Variants in LRMDA observed in about 807,000 individuals in gnomAD.
LRMDA encodes leucine rich melanocyte differentiation associated, also known as leucine-rich melanocyte differentiation-associated protein.
LRMDA carries 18 observed loss-of-function variants against 29.8 expected under a neutral mutation model. The observed-to-expected ratio is 0.60, with a 90% confidence interval of 0.42 to 0.90. LRMDA has a LOEUF of 0.90. Ranked by LOEUF, LRMDA falls within the 40% of genes least tolerant of loss-of-function variation. The probability of loss-of-function intolerance (pLI) is 0.00; values close to 1 mark genes in which losing one functional copy is unlikely to be tolerated. For missense variants in LRMDA, 273 were observed against 273.9 expected (o/e 1.00, Z 0.02); for synonymous variants, 125 against 109.4 (o/e 1.14, Z -0.89).
chr10:75,489,706 A>G (rs990092502), intron 2 of LRMDA, among the ~76,000 whole-genome samples: 10 of 152,112 alleles, frequency 6.6e-5, no homozygotes, highest in African/African-American at 2.4e-4. Context: ...GAAGTGTTAG[A>G]TTGTTTGGGG....
chr10:76,072,411 T>C (rs908449809), intron 5 of LRMDA, among the ~76,000 whole-genome samples: 1 of 152,204 alleles, frequency 6.6e-6, no homozygotes, highest in African/African-American at 2.4e-5. Context: ...AAGAAACATC[T>C]GACACCAGTG....
chr10:76,204,457 T>C (rs900144337), intron 5 of LRMDA, among the ~76,000 whole-genome samples: 1 of 152,268 alleles, frequency 6.6e-6, no homozygotes, highest in African/African-American at 2.4e-5. Context: ...ATTTTCTTCA[T>C]TTGTTCCAGA....
intron 6 of LRMDA, among the ~76,000 whole-genome samples, chr10:76,393,143 A>C (rs1244259357): frequency 2.0e-5 from 3 of 152,278 alleles, no homozygotes; most frequent in African/African-American, 4.8e-5. Context: ...GCTGCATAGG[A>C]GTGCAGATAT....
At chr10:76,532,914 A>G (rs1843250022) in intron 6 of LRMDA, among the ~76,000 whole-genome samples, 1 of 152,196 alleles carries the variant, frequency 6.6e-6, no homozygotes, top group Non-Finnish European at 1.5e-5. Context: ...TTCTCAGATG[A>G]ATATGACATG....
intron 6 of LRMDA, among the ~76,000 whole-genome samples, chr10:76,392,416 A>G (rs1030946083): frequency 9.2e-5 from 14 of 152,170 alleles, no homozygotes; most frequent in African/African-American, 3.4e-4. Flanking sequence ...GGGGTTAAAT[A>G]ATACAGATTG....
chr10:75,900,255 C>G (rs1007431422), intron 2 of LRMDA, among the ~76,000 whole-genome samples: 2 of 152,148 alleles, frequency 1.3e-5, no homozygotes, highest in Non-Finnish European at 2.9e-5. Flanking sequence ...TCAAATGTTT[C>G]CCTCTGAAAA....
chr10:76,517,301 A>T (rs1843071922), intron 6 of LRMDA, among the ~76,000 whole-genome samples: 1 of 152,186 alleles, frequency 6.6e-6, no homozygotes, highest in South Asian at 2.1e-4. Context: ...AAAAATATTA[A>T]AACTGCAGAG....
intron 2 of LRMDA, among the ~76,000 whole-genome samples, chr10:75,955,797 G>T (rs748776090): frequency 2.0e-5 from 3 of 152,160 alleles, no homozygotes. Flanking sequence ...GCCCTATGCT[G>T]AGTTATGCAT....
chr10:75,929,361 G>A (rs140182974), intron 2 of LRMDA, among the ~76,000 whole-genome samples: 39 of 151,932 alleles, frequency 2.6e-4, no homozygotes, highest in African/African-American at 8.0e-4. Context: ...TGTACAAATC[G>A]GTTTCTTACA....
chr10:75,586,763 C>T, intron 2 of LRMDA, among the ~76,000 whole-genome samples: 1 of 150,700 alleles, frequency 6.6e-6, no homozygotes, highest in African/African-American at 2.4e-5. Context: ...CATTTATATG[C>T]TGTCTTTGGA....
intron 5 of LRMDA, among the ~76,000 whole-genome samples, chr10:76,201,264 T>G (rs933824536): frequency 6.6e-5 from 10 of 151,836 alleles, no homozygotes; most frequent in Admixed American, 5.2e-4. Context: ...GCCAGCTAAC[T>G]TTGTATTTTT....
At chr10:75,665,715 G>A (rs550803273) in intron 2 of LRMDA, among the ~76,000 whole-genome samples, 1 of 152,278 alleles carries the variant, frequency 6.6e-6, no homozygotes, top group South Asian at 2.1e-4. Context: ...TGAAATTGGT[G>A]GAAAAGATTC....
chr10:76,181,050 C>T (rs1851039952), intron 5 of LRMDA, among the ~76,000 whole-genome samples: 1 of 152,104 alleles, frequency 6.6e-6, no homozygotes, highest in African/African-American at 2.4e-5. Flanking sequence ...CAAAGTGTCT[C>T]CCGCTTTGCT....
intron 2 of LRMDA, among the ~76,000 whole-genome samples, chr10:75,729,896 A>G (rs1842675156): frequency 6.6e-6 from 1 of 152,104 alleles, no homozygotes; most frequent in Admixed American, 6.6e-5. Context: ...CTCCTTTGCT[A>G]AAGCAATCCT....
intron 2 of LRMDA, among the ~76,000 whole-genome samples, chr10:76,021,972 G>A (rs1314271939): frequency 6.6e-6 from 1 of 152,188 alleles, no homozygotes. Flanking sequence ...AAAAATGCAT[G>A]ATATTATGGA....
At chr10:75,601,750 G>A (rs1452694363) in intron 2 of LRMDA, among the ~76,000 whole-genome samples, 3 of 152,004 alleles carry the variant, frequency 2.0e-5, no homozygotes, top group South Asian at 4.2e-4. Flanking sequence ...AATGCTTTAC[G>A]TGTATTATCC....
At chr10:76,231,303 G>C (rs1233382142) in intron 5 of LRMDA, among the ~76,000 whole-genome samples, 1 of 152,206 alleles carries the variant, frequency 6.6e-6, no homozygotes, top group African/African-American at 2.4e-5. Context: ...CATGACAATA[G>C]ATACTGCATT....
intron 3 of LRMDA, among the ~76,000 whole-genome samples, chr10:76,037,764 C>T (rs1848276786): frequency 6.6e-6 from 1 of 152,222 alleles, no homozygotes; most frequent in Non-Finnish European, 1.5e-5. Flanking sequence ...ACCTAATCAC[C>T]TCCCAAAGGC....
chr10:76,199,395 A>G (rs1362767220), intron 5 of LRMDA, among the ~76,000 whole-genome samples: 1 of 152,164 alleles, frequency 6.6e-6, no homozygotes, highest in Non-Finnish European at 1.5e-5. Flanking sequence ...TGGACTGGCT[A>G]TGTGACCTTG....
Sources: gnomAD v4.1 joint callset for allele counts (sites outside exome capture counted in the v4.1 genomes callset) on GRCh38, gnomAD v4.1.1 for gene constraint, MANE v1.5 for transcripts, NCBI Gene and HGNC (gene_info 2026-07-23, HGNC 2026-07-21) for gene names.